ZNF738: variants seen among roughly 807,000 people sequenced by gnomAD.
ZNF738 encodes the protein protein ZNF738.
In ZNF738, 10 loss-of-function variants were observed where a neutral mutation model predicts 9.2. That is an observed-to-expected ratio of 1.09 (90% CI 0.67 to 1.85). ZNF738 has a LOEUF of 1.85. Among genes scored for constraint, ZNF738 ranks in the 40% most tolerant of loss-of-function variants. The probability of loss-of-function intolerance (pLI) is 0.00; values close to 1 mark genes in which losing one functional copy is unlikely to be tolerated. For missense variants in ZNF738, 346 were observed against 283.6 expected (o/e 1.22, Z -1.58); for synonymous variants, 113 against 94.5 (o/e 1.20, Z -1.14).
chr19:21,363,576 G>C (rs1973729486), intron 2 of ZNF738, among the ~76,000 whole-genome samples: 1 of 152,224 alleles, frequency 6.6e-6, no homozygotes, highest in East Asian at 1.9e-4. Context: ...ATGTTATAAA[G>C]TTAATTTCTG....
intron 4 of ZNF738, among the ~76,000 whole-genome samples, chr19:21,379,675 G>GATA (rs1973981959): frequency 6.6e-6 from 1 of 151,972 alleles, no homozygotes; most frequent in African/African-American, 2.4e-5. Context: ...AGATACATGA[G>GATA]CCAGTATTTT....
At chr19:21,375,205 TTGTAAATATGTG>T (rs751946483) in intron 2 of ZNF738, 21 bp from the exon 3 acceptor site, 45 of 904,008 alleles carry the variant, frequency 5.0e-5, no homozygotes, top group East Asian at 1.7e-4. Flanking sequence ...CCGTGGACAC[TTGTAAATATGTG>T]TGTGTGTGTG....
At chr19:21,368,154 T>C (rs1282561253) in intron 2 of ZNF738, among the ~76,000 whole-genome samples, 1 of 152,194 alleles carries the variant, frequency 6.6e-6, no homozygotes, top group Non-Finnish European at 1.5e-5. Context: ...TAGGTAAAAT[T>C]GTGTCATGGG....
Position 21,373,234 on chromosome 19 carries a change from A to G in ZNF738, c.97-2004A>G, listed in dbSNP as rs1044019184. 7.2e-5 allele frequency among the ~76,000 whole-genome samples: 11 copies of G among 152,348 alleles called. No individual in the cohort carries two copies. The South Asian group carries it at 1.9e-3, about 26-fold the overall frequency. On this transcript the variant is annotated intron_variant, in intron 2 of 4. Transcript: ENST00000683779. Reference sequence around the variant, plus strand: ...AGCCTAGACTTCTCATTAGCATTACATGGCCAATTTGCAGAAATCTCTTTA... The same window carrying G: ...AGCCTAGACTTCTCATTAGCATTACGTGGCCAATTTGCAGAAATCTCTTTA...
intron 2 of ZNF738, among the ~76,000 whole-genome samples, chr19:21,374,877 T>C (rs570402448): frequency 3.9e-5 from 6 of 152,318 alleles, no homozygotes; most frequent in Admixed American, 3.9e-4. Flanking sequence ...ACATTAAAAC[T>C]TGAGAGGTGC....
At chr19:21,368,425 T>C (rs1311051587) in intron 2 of ZNF738, among the ~76,000 whole-genome samples, 6 of 152,166 alleles carry the variant, frequency 3.9e-5, no homozygotes, top group South Asian at 2.1e-4. Context: ...ATCTTGGTGT[T>C]TTTTGTTTGT....
chr19:21,377,623 G>A, intron 4 of ZNF738: 1 of 471,836 alleles, frequency 2.1e-6, no homozygotes. Context: ...AGTACTTTAT[G>A]TAAGATATGA....
rs1973912152 is a variant in ZNF738, at chr19:21,375,320, A to G, written c.179A>G (p.Tyr60Cys). The G allele has an allele frequency of 5.6e-6, 6 of 1,072,450 alleles. No homozygotes were observed. Among genetic ancestry groups the G allele is most frequent in the South Asian group, 1.3e-5 (1 of 79,200 alleles). 66.4% of individuals were successfully genotyped at this position (1,072,450 alleles called of 1,614,324 possible). ...CTGGACACTGCTCAGCAAGATTTGT[A>G]TAGGAAAGTGATGTTAGAGAACTTC... ...QCLDTAQQDL[Y>C]RKVMLENFRN... Residue 60 changes from tyrosine to cysteine, a missense_variant, in exon 3 of 5, where the codon TAT (tyrosine) becomes TGT (cysteine). Physicochemically the swap from Tyr to Cys is radical, Grantham distance 194 (BLOSUM62 -2). Coordinates refer to ENST00000683779, the MANE Select transcript of ZNF738 (RefSeq NM_001355237.2).
rs149813413 is a variant in ZNF738 at position 21,369,635 on chromosome 19, A to G, written c.97-5603A>G. Reference sequence around the variant, plus strand: ...TTCCAGCACCATTTATTAAATACAGAATTCTTTTCATATTCCTGTCAGGTT... The same window carrying G: ...TTCCAGCACCATTTATTAAATACAGGATTCTTTTCATATTCCTGTCAGGTT... On this transcript the variant is annotated intron_variant, in intron 2 of 4. Coordinates refer to ENST00000683779, the MANE Select transcript of ZNF738 (RefSeq NM_001355237.2). Among the ~76,000 whole-genome samples the G allele has an allele frequency of 1.1e-4, 16 of 152,240 alleles. No individual in the cohort carries two copies. The East Asian group carries it at 2.7e-3, about 26-fold the overall frequency.
intron 2 of ZNF738, chr19:21,372,292 C>T (rs969175870): frequency 2.0e-5 from 3 of 152,160 alleles, no homozygotes; most frequent in African/African-American, 7.2e-5. Flanking sequence ...ACTGGAAATA[C>T]TCCAGTGACA....
chr19:21,363,222 T>C (rs541822344), intron 2 of ZNF738, among the ~76,000 whole-genome samples: 4 of 152,352 alleles, frequency 2.6e-5, no homozygotes, highest in African/African-American at 9.6e-5. Context: ...CTTATAGGAA[T>C]ACTGTGTTTG....
intron 4 of ZNF738, chr19:21,378,825 C>T (rs1973971179): frequency 1.2e-5 from 2 of 168,260 alleles, no homozygotes; most frequent in African/African-American, 4.8e-5. Flanking sequence ...TCTCGATCTC[C>T]TGACCTCAGG....
chr19:21,364,574 C>T (rs1973749659), intron 2 of ZNF738, among the ~76,000 whole-genome samples: 1 of 151,954 alleles, frequency 6.6e-6, no homozygotes, highest in Non-Finnish European at 1.5e-5. Context: ...GGTCCCAATC[C>T]AAACCCCAAG....
Position 21,383,096 on chromosome 19 carries a change from G to A in ZNF738, c.550G>A (p.Val184Ile), listed in dbSNP as rs185176531. 4.5e-3 allele frequency: 6,451 copies of A among 1,432,746 alleles called. 22 individuals are homozygous for A. Among genetic ancestry groups the A allele is most frequent in the Non-Finnish European group, 5.5e-3 (5,658 of 1,020,012 alleles). 88.8% of individuals were successfully genotyped at this position (1,432,746 alleles called of 1,614,324 possible). A position where few individuals can be genotyped will look rare whatever the true frequency, so the allele number is the denominator to read the frequency against. ...KIFQCDKYVK[V>I]FHKFLNSNTH... Reference sequence around the variant, plus strand: ...ATTTCAATGTGATAAATATGTGAAAGTCTTTCATAAATTTTTAAATTCAAA... The same window carrying A: ...ATTTCAATGTGATAAATATGTGAAAATCTTTCATAAATTTTTAAATTCAAA... Residue 184 changes from valine (V) to isoleucine (I), a missense_variant, in exon 5 of 5, where the codon GTC becomes ATC. Coordinates refer to ENST00000683779, the MANE Select transcript of ZNF738 (RefSeq NM_001355237.2).
rs923017022 is a variant in ZNF738, at chr19:21,388,197, T to G, written c.*4523T>G. Among the ~76,000 whole-genome samples, 1 of 152,174 alleles carries G rather than the reference T, an allele frequency of 6.6e-6. No individual in the cohort carries two copies. Among genetic ancestry groups the G allele is most frequent in the Non-Finnish European group, 1.5e-5 (1 of 68,004 alleles). ...GATTTTTTGCAGAGTAATAACTACA[T>G]TCTAAGTATACTTTATTTCTTGAAA... On this transcript the variant is annotated 3_prime_UTR_variant, in exon 5 of 5. Transcript: ENST00000683779.
At chr19:21,382,276 C>G (rs1974016553) in intron 4 of ZNF738, among the ~76,000 whole-genome samples, 1 of 150,670 alleles carries the variant, frequency 6.6e-6, no homozygotes, top group South Asian at 2.1e-4. Context: ...GACTCTTGCA[C>G]TGTCACCCAG....
At chr19:21,363,882 A>G (rs981343674) in intron 2 of ZNF738, among the ~76,000 whole-genome samples, 4 of 79,176 alleles carry the variant, frequency 5.1e-5, no homozygotes. Context: ...GTGAGACTCC[A>G]TTTAAAAAAA....
Position 21,374,412 on chromosome 19 carries a change from A to G in ZNF738, c.97-826A>G, listed in dbSNP as rs1192076961. 2.6e-5 allele frequency among the ~76,000 whole-genome samples: 4 copies of G among 152,240 alleles called. No individual in the cohort carries two copies. The East Asian group carries it at 7.7e-4, about 29-fold the overall frequency. On this transcript the variant is annotated intron_variant, in intron 2 of 4. Transcript: ENST00000683779. ...TTCAGACTATACTTTTTGGGGGGCA[A>G]TATCTCAGTAATGATGCTGTGTTCT...
In ZNF738 at chr19:21,383,152, A is replaced by G. The variant is rs1974025877; in HGVS notation, c.606A>G (p.Lys202=). ...ATAAGACAAGACATACTGGAAAGAA[A>G]CCTTTCAAATGTAAAAAATGTGGCA... ...NTHKTRHTGK[K]PFKCKKCGKS... Residue 202 remains lysine (K), a synonymous_variant, in exon 5 of 5, where the codon AAA becomes AAG. Transcript: ENST00000683779. 1.9e-6 allele frequency: 3 copies of G among 1,597,968 alleles called. No individual in the cohort carries two copies. Among genetic ancestry groups the G allele is most frequent in the Non-Finnish European group, 2.6e-6 (3 of 1,166,978 alleles).
Sources: allele counts gnomAD v4.1 joint callset (sites outside exome capture counted in the v4.1 genomes callset), GRCh38; gene constraint gnomAD v4.1.1; transcripts MANE v1.5; gene names NCBI Gene and HGNC (gene_info 2026-07-23, HGNC 2026-07-21).